Variants in NELL1 observed in about 807,000 individuals in gnomAD.
NELL1 encodes neural EGFL like 1, also known as protein kinase C-binding protein NELL1.
NELL1 carries 76 observed loss-of-function variants against 107.4 expected under a neutral mutation model. The observed-to-expected ratio is 0.71, with a 90% CI of 0.59 to 0.86. The LOEUF is 0.86. NELL1 is among the 40% of genes least tolerant of loss of function. The pLI, the probability that NELL1 is intolerant of heterozygous loss-of-function variation, is 0.00. For synonymous variants in NELL1, 353 were observed against 341.2 expected (o/e 1.03, Z -0.38); for missense variants, 1,024 against 1,005.5 (o/e 1.02, Z -0.25).
At chr11:21,196,199 G>C (rs1203318568) in intron 13 of NELL1, among the ~76,000 whole-genome samples, 1 of 152,112 alleles carries the variant, frequency 6.6e-6, no homozygotes, top group Admixed American at 6.6e-5. Context: ...ATAATAATGT[G>C]ACAGCCCAGC....
rs144763078 is a variant in NELL1 at position 20,935,446 on chromosome 11, A to G, written c.998-2340A>G. Among the ~76,000 whole-genome samples the G allele has an allele frequency of 1.6e-4, 24 of 152,252 alleles. No homozygotes were observed. The East Asian group carries it at 4.7e-3, about 30-fold the overall frequency. ...AAGGCCCGGAAGTGAGAGATAAAGC[A>G]TGGCTAGAACATATGTGGAGGTGTG... is the stretch of plus-strand genomic sequence containing the variant. On this transcript the variant is annotated intron_variant, in intron 9 of 19. Coordinates refer to ENST00000357134, the MANE Select transcript of NELL1 (RefSeq NM_006157.5).
chr11:21,552,823 G>A (rs1856623647), intron 16 of NELL1, among the ~76,000 whole-genome samples: 1 of 151,762 alleles, frequency 6.6e-6, no homozygotes, highest in Admixed American at 6.6e-5. Flanking sequence ...GCCCTTCTTG[G>A]AATGGTGGTT....
intron 4 of NELL1, among the ~76,000 whole-genome samples, chr11:20,883,661 C>A (rs1164509380): frequency 6.6e-6 from 1 of 152,118 alleles, no homozygotes; most frequent in Non-Finnish European, 1.5e-5. Flanking sequence ...ATCATTTGTG[C>A]CTCATTATCT....
At chr11:20,898,884 T>G (rs947494580) in intron 5 of NELL1, among the ~76,000 whole-genome samples, 2 of 152,120 alleles carry the variant, frequency 1.3e-5, no homozygotes, top group African/African-American at 4.8e-5. Context: ...TTTACAGATC[T>G]AGGTGGCACT....
chr11:20,766,714 C>T (rs1242325566), intron 2 of NELL1, among the ~76,000 whole-genome samples: 1 of 151,478 alleles, frequency 6.6e-6, no homozygotes, highest in Non-Finnish European at 1.5e-5. Context: ...TTAAAGGAGG[C>T]TTTAAATCCT....
chr11:21,390,723 C>T, intron 15 of NELL1, among the ~76,000 whole-genome samples: 1 of 151,776 alleles, frequency 6.6e-6, no homozygotes, highest in Non-Finnish European at 1.5e-5. Flanking sequence ...TTTGTTATTG[C>T]TGTTTGTTCA....
Position 21,086,559 on chromosome 11 carries a change from G to A in NELL1, c.1301-27030G>A, listed in dbSNP as rs16907436. On this transcript the variant is annotated intron_variant, in intron 12 of 19. Transcript: ENST00000357134. ...CAACAATCACCTATTGGCTTCTGTC[G>A]TTGGATTAACTTAAACGGAAAGCTT... is the stretch of plus-strand genomic sequence containing the variant. Among the ~76,000 whole-genome samples the A allele has an allele frequency of 9.4e-3, 1,436 of 152,244 alleles. 19 individuals are homozygous for A. The highest frequency in any genetic ancestry group is 0.031 in the African/African-American group (1,305 of 41,542).
At chr11:20,790,941 T>C (rs1857062240) in intron 3 of NELL1, among the ~76,000 whole-genome samples, 1 of 152,240 alleles carries the variant, frequency 6.6e-6, no homozygotes, top group Non-Finnish European at 1.5e-5. Flanking sequence ...ATTTCATTGA[T>C]CTATATGTTT....
intron 12 of NELL1, among the ~76,000 whole-genome samples, chr11:21,036,280 A>G (rs1281600668): frequency 1.3e-5 from 2 of 152,206 alleles, no homozygotes; most frequent in African/African-American, 2.4e-5. Flanking sequence ...AAATAGAAGA[A>G]TTAATATCAT....
chr11:20,742,197 T>A (rs934541668), intron 2 of NELL1, among the ~76,000 whole-genome samples: 3 of 152,170 alleles, frequency 2.0e-5, no homozygotes, highest in African/African-American at 7.2e-5. Context: ...GCCAGGCTCT[T>A]GCTTGGCTCT....
intron 2 of NELL1, among the ~76,000 whole-genome samples, chr11:20,757,162 GTT>G (rs1205844816): frequency 1.3e-4 from 18 of 138,102 alleles, no homozygotes; most frequent in African/African-American, 4.8e-4. Context: ...TTTACACTTA[GTT>G]TTTTTTTTTT....
intron 3 of NELL1, among the ~76,000 whole-genome samples, chr11:20,834,695 C>T (rs956667025): frequency 5.9e-5 from 8 of 135,068 alleles, no homozygotes; most frequent in Non-Finnish European, 1.1e-4. Flanking sequence ...AGAGAGACTC[C>T]GTCTCAAAAA....
chr11:21,375,097 C>T (rs539887594), intron 15 of NELL1, among the ~76,000 whole-genome samples: 33 of 152,088 alleles, frequency 2.2e-4, no homozygotes, highest in Non-Finnish European at 4.1e-4. Context: ...AGGTTTCTCA[C>T]CTGTGTATAC....
At chr11:21,050,458 A>G (rs1026729319) in intron 12 of NELL1, among the ~76,000 whole-genome samples, 3 of 151,994 alleles carry the variant, frequency 2.0e-5, no homozygotes, top group Admixed American at 6.6e-5. Context: ...AAGGTGTCAT[A>G]TGAATGTTAG....
At chr11:20,766,422 C>T (rs1057496871) in intron 2 of NELL1, among the ~76,000 whole-genome samples, 18 of 152,148 alleles carry the variant, frequency 1.2e-4, no homozygotes, top group Admixed American at 5.9e-4. Context: ...GCATTCAGGG[C>T]GTGGCAAGGT....
At chr11:21,326,584 A>G (rs1414128921) in intron 14 of NELL1, among the ~76,000 whole-genome samples, 1 of 151,808 alleles carries the variant, frequency 6.6e-6, no homozygotes, top group Non-Finnish European at 1.5e-5. Context: ...AGCGATCTTT[A>G]TTTTTTTGTT....
chr11:21,515,427 G>GA (rs1044358087), intron 15 of NELL1, among the ~76,000 whole-genome samples: 10 of 152,028 alleles, frequency 6.6e-5, no homozygotes, highest in South Asian at 2.1e-4. Flanking sequence ...TCTGTGGGGG[G>GA]CCTTCCTCTT....
At chr11:20,882,365 T>A (rs1849425922) in intron 4 of NELL1, among the ~76,000 whole-genome samples, 1 of 152,230 alleles carries the variant, frequency 6.6e-6, no homozygotes, top group Non-Finnish European at 1.5e-5. Context: ...CATGTGTGAA[T>A]TTTTAGTTTA....
chr11:21,183,095 G>A (rs1432598660), intron 13 of NELL1, among the ~76,000 whole-genome samples: 1 of 151,790 alleles, frequency 6.6e-6, no homozygotes, highest in Non-Finnish European at 1.5e-5. Flanking sequence ...CACAAAGCTG[G>A]GATTGACCTT....
Sources: allele counts gnomAD v4.1 joint callset (sites outside exome capture counted in the v4.1 genomes callset), GRCh38; gene constraint gnomAD v4.1.1; transcripts MANE v1.5; gene names NCBI Gene and HGNC (gene_info 2026-07-23, HGNC 2026-07-21).